MACROD2: variants seen among roughly 807,000 people sequenced by gnomAD.
MACROD2 encodes mono-ADP ribosylhydrolase 2, also known as ADP-ribose glycohydrolase MACROD2.
Under a neutral mutation model 70.4 loss-of-function variants are expected in MACROD2, and 36 were observed. The ratio of observed to expected loss-of-function variants is 0.51; its 90% CI spans 0.39 to 0.68. The LOEUF is 0.68. Ranked by LOEUF, MACROD2 falls within the 30% of genes least tolerant of loss-of-function variation. The pLI, the probability that MACROD2 is intolerant of heterozygous loss-of-function variation, is 0.00. For synonymous variants in MACROD2, 172 were observed against 178.8 expected (o/e 0.96, Z 0.30); for missense variants, 496 against 538.4 (o/e 0.92, Z 0.78).
At chr20:14,170,199 C>A (rs2081208643) in intron 3 of MACROD2, among the ~76,000 whole-genome samples, 1 of 152,144 alleles carries the variant, frequency 6.6e-6, no homozygotes, top group Admixed American at 6.6e-5. Context: ...GCCAACACTT[C>A]TTTCAAGATA....
In MACROD2 at chr20:15,566,868, C is replaced by T. The variant is rs1377007506; in HGVS notation, c.645+67021C>T. Among the ~76,000 whole-genome samples the T allele has an allele frequency of 3.9e-5, 6 of 152,272 alleles. No homozygotes were observed. The East Asian group carries it at 5.8e-4, about 15-fold the overall frequency. On this transcript the variant is annotated intron_variant, in intron 8 of 17. Transcript: ENST00000684519. ...TTACCATAGTTACACTGTTTCCTTT[C>T]GTAGTTCTTACTGTGTCTGTCTGCT...
chr20:15,225,229 CTA>C (rs1009039772), intron 5 of MACROD2, among the ~76,000 whole-genome samples: 2 of 151,954 alleles, frequency 1.3e-5, no homozygotes, highest in African/African-American at 4.8e-5. Flanking sequence ...GAAATTATAT[CTA>C]TCTTTTTCTT....
chr20:14,537,439 C>A (rs1017875975), intron 4 of MACROD2, among the ~76,000 whole-genome samples: 1 of 152,012 alleles, frequency 6.6e-6, no homozygotes, highest in Non-Finnish European at 1.5e-5. Context: ...GTTCACTTAC[C>A]CCATTCTTCA....
At chr20:14,323,521 G>A (rs1470281071) in intron 3 of MACROD2, 1 of 152,030 alleles carries the variant, frequency 6.6e-6, no homozygotes, top group African/African-American at 2.4e-5. Flanking sequence ...TAAACCACTG[G>A]TCACTGGTGA....
intron 3 of MACROD2, among the ~76,000 whole-genome samples, chr20:14,376,295 A>G (rs950642536): frequency 6.6e-5 from 10 of 152,106 alleles, no homozygotes; most frequent in Non-Finnish European, 1.2e-4. Flanking sequence ...CACTTTTGCT[A>G]GTGTCGTGAC....
chr20:15,273,775 A>G (rs1205943685), intron 6 of MACROD2, among the ~76,000 whole-genome samples: 3 of 152,156 alleles, frequency 2.0e-5, no homozygotes, highest in Non-Finnish European at 2.9e-5. Context: ...GAGAATTCAA[A>G]TCATAGACTC....
At chr20:15,845,227 G>C (rs2064217422) in intron 8 of MACROD2, among the ~76,000 whole-genome samples, 1 of 152,102 alleles carries the variant, frequency 6.6e-6, no homozygotes, top group South Asian at 2.1e-4. Flanking sequence ...AATGACTGCT[G>C]TTCTTATAAG....
intron 4 of MACROD2, among the ~76,000 whole-genome samples, chr20:14,515,467 A>ACACG (rs1555798350): frequency 6.1e-5 from 7 of 114,130 alleles, no homozygotes; most frequent in African/African-American, 2.2e-4. Flanking sequence ...ACACACACGC[A>ACACG]CACACACACA....
intron 5 of MACROD2, among the ~76,000 whole-genome samples, chr20:15,193,503 C>T (rs1253827613): frequency 6.6e-6 from 1 of 152,028 alleles, no homozygotes; most frequent in Non-Finnish European, 1.5e-5. Flanking sequence ...AAAAACTTAG[C>T]CAAGTGTAGT....
rs146263299 is a variant in MACROD2, at chr20:14,714,076, T to C, written c.418+29117T>C. Among the ~76,000 whole-genome samples, 4 of 152,176 alleles carry C rather than the reference T, an allele frequency of 2.6e-5. No homozygotes were observed. In the East Asian group the frequency reaches 7.7e-4, roughly 29 times the overall value. ...TGGACAAAGTGGGGCTCTGCATAGA[T>C]AGGAAGTGGAAAAGCAACCTCAAAA... On this transcript the variant is annotated intron_variant, in intron 5 of 17. Coordinates refer to ENST00000684519, the MANE Select transcript of MACROD2 (RefSeq NM_001351661.2).
intron 8 of MACROD2, among the ~76,000 whole-genome samples, chr20:15,669,861 T>C (rs1414194382): frequency 6.6e-6 from 1 of 152,232 alleles, no homozygotes; most frequent in Non-Finnish European, 1.5e-5. Flanking sequence ...ACTGGAGTGC[T>C]ACCAACAACT....
intron 7 of MACROD2, among the ~76,000 whole-genome samples, chr20:15,466,454 G>A (rs1378788521): frequency 1.3e-5 from 2 of 152,202 alleles, no homozygotes; most frequent in African/African-American, 4.8e-5. Flanking sequence ...TTCATTTAGG[G>A]TCTGACAAAG....
At chr20:14,054,461 T>C (rs996135428) in intron 2 of MACROD2, among the ~76,000 whole-genome samples, 11 of 151,926 alleles carry the variant, frequency 7.2e-5, no homozygotes, top group Admixed American at 2.6e-4. Flanking sequence ...TTATGAGAAG[T>C]TGGCTGGAGA....
At chr20:15,644,254 C>T (rs1298752434) in intron 8 of MACROD2, among the ~76,000 whole-genome samples, 2 of 152,130 alleles carry the variant, frequency 1.3e-5, no homozygotes, top group Admixed American at 6.6e-5. Flanking sequence ...CGTTACATCC[C>T]CACCACCTCC....
At chr20:15,528,584 T>C (rs2047753137) in intron 8 of MACROD2, among the ~76,000 whole-genome samples, 2 of 152,218 alleles carry the variant, frequency 1.3e-5, no homozygotes, top group Non-Finnish European at 2.9e-5. Flanking sequence ...CCAAGAAGGC[T>C]GGCTACCATC....
At chr20:14,503,139 G>T (rs1691624016) in intron 4 of MACROD2, among the ~76,000 whole-genome samples, 2 of 152,132 alleles carry the variant, frequency 1.3e-5, no homozygotes, top group African/African-American at 4.8e-5. Flanking sequence ...GAGGAACAAG[G>T]GATCCCACAG....
chr20:14,583,039 G>T (rs1176208459), intron 4 of MACROD2, among the ~76,000 whole-genome samples: 2 of 149,104 alleles, frequency 1.3e-5, no homozygotes, highest in Non-Finnish European at 3.0e-5. Flanking sequence ...TCTCTTGTCT[G>T]AGCGTATTTC....
At chr20:14,834,377 G>A (rs1189043204) in intron 5 of MACROD2, among the ~76,000 whole-genome samples, 1 of 151,770 alleles carries the variant, frequency 6.6e-6, no homozygotes, top group Non-Finnish European at 1.5e-5. Flanking sequence ...TGTAGGGAGG[G>A]CTAATTGGGC....
intron 6 of MACROD2, among the ~76,000 whole-genome samples, chr20:15,340,062 A>G (rs549460705): frequency 6.9e-6 from 1 of 145,958 alleles, no homozygotes; most frequent in Non-Finnish European, 1.5e-5. Flanking sequence ...ATTTTTCACC[A>G]GGCCCCAATA....
Sources: allele counts gnomAD v4.1 joint callset (sites outside exome capture counted in the v4.1 genomes callset), GRCh38; gene constraint gnomAD v4.1.1; transcripts MANE v1.5; gene names NCBI Gene and HGNC (gene_info 2026-07-23, HGNC 2026-07-21).